Variants in RBFOX1 observed in about 807,000 individuals in gnomAD.
RBFOX1 encodes RNA binding fox-1 homolog 1.
A neutral mutation model predicts 57.7 loss-of-function variants in RBFOX1; 8 were observed. The ratio of observed to expected loss-of-function variants is 0.14; its 90% CI spans 0.08 to 0.25. RBFOX1 has a LOEUF of 0.25. Among genes scored for constraint, RBFOX1 ranks in the 10% least tolerant of loss-of-function variants. The pLI is 1.00. For synonymous variants in RBFOX1, 326 were observed against 222.4 expected (o/e 1.47, Z -4.15); for missense variants, 611 against 548.5 (o/e 1.11, Z -1.14).
intron 1 of RBFOX1, among the ~76,000 whole-genome samples, chr16:5,272,569 C>G (rs1345400950): frequency 6.6e-6 from 1 of 152,190 alleles, no homozygotes; most frequent in Non-Finnish European, 1.5e-5. Flanking sequence ...GCTGCCTCTA[C>G]CGATACCCCA....
Position 7,030,986 on chromosome 16 carries a change from G to A in RBFOX1, c.-15-21071G>A, listed in dbSNP as rs556466880. Among the ~76,000 whole-genome samples the A allele has an allele frequency of 2.6e-5, 4 of 152,338 alleles. No individual in the cohort carries two copies. The East Asian group carries it at 7.7e-4, about 29-fold the overall frequency. ...GAAAGGACATGGGGTGTGTGGAGCA[G>A]AATGATCCTGCAGAAAGAGGACCTT... On this transcript the variant is annotated intron_variant, in intron 3 of 15. Coordinates refer to ENST00000550418, the MANE Select transcript of RBFOX1 (RefSeq NM_018723.4).
At chr16:6,457,271 C>G (rs890930054) in intron 2 of RBFOX1, among the ~76,000 whole-genome samples, 1 of 152,060 alleles carries the variant, frequency 6.6e-6, no homozygotes, top group Non-Finnish European at 1.5e-5. Flanking sequence ...AAAAGGAAAA[C>G]TACGTATTAC....
intron 1 of RBFOX1, among the ~76,000 whole-genome samples, chr16:5,344,164 G>C (rs1263093166): frequency 6.6e-6 from 1 of 152,182 alleles, no homozygotes; most frequent in Non-Finnish European, 1.5e-5. Context: ...GTATTTCTGT[G>C]GAAGTTTTTT....
chr16:6,710,272 A>C (rs550488763), intron 3 of RBFOX1, among the ~76,000 whole-genome samples: 1 of 152,314 alleles, frequency 6.6e-6, no homozygotes, highest in Non-Finnish European at 1.5e-5. Flanking sequence ...CATTGTCTAG[A>C]AGAACATGAT....
chr16:7,519,527 T>C (rs542415029), intron 5 of RBFOX1: 10 of 199,916 alleles, frequency 5.0e-5, no homozygotes, highest in Non-Finnish European at 8.0e-5. Context: ...GTTTTGATCA[T>C]TAATCAAATA....
chr16:6,709,162 A>G (rs1192323634), intron 3 of RBFOX1, among the ~76,000 whole-genome samples: 1 of 152,148 alleles, frequency 6.6e-6, no homozygotes, highest in Non-Finnish European at 1.5e-5. Flanking sequence ...AAGCTGGTAA[A>G]TTGGTTCAAC....
At chr16:5,844,439 T>C (rs1364866807) in intron 3 of RBFOX1, among the ~76,000 whole-genome samples, 1 of 152,206 alleles carries the variant, frequency 6.6e-6, no homozygotes, top group African/African-American at 2.4e-5. Flanking sequence ...TATTGATAAA[T>C]GTGTTTGGCC....
At chr16:6,196,798 C>CT (rs36091163) in intron 1 of RBFOX1, among the ~76,000 whole-genome samples, 4,067 of 145,686 alleles carry the variant, frequency 0.028, 82 homozygotes, top group African/African-American at 0.065. Flanking sequence ...TCTGGTTCAT[C>CT]TTTTTTTTTT....
At chr16:6,005,025 G>A (rs1377949386) in intron 4 of RBFOX1, among the ~76,000 whole-genome samples, 2 of 152,072 alleles carry the variant, frequency 1.3e-5, no homozygotes, top group South Asian at 2.1e-4. Flanking sequence ...AAAACTTGGG[G>A]GAACTTTAAG....
chr16:6,223,224 G>C (rs2097389487), intron 1 of RBFOX1, among the ~76,000 whole-genome samples: 3 of 151,328 alleles, frequency 2.0e-5, no homozygotes, highest in African/African-American at 7.3e-5. Context: ...CCAGTAATGG[G>C]ATGGCTGGGT....
chr16:7,269,541 A>G (rs1567971414), intron 4 of RBFOX1, among the ~76,000 whole-genome samples: 1 of 152,154 alleles, frequency 6.6e-6, no homozygotes, highest in African/African-American at 2.4e-5. Flanking sequence ...TTTATCGTAT[A>G]ATTTTTTACT....
chr16:6,799,423 C>A (rs11641182), intron 3 of RBFOX1, among the ~76,000 whole-genome samples: 2 of 152,010 alleles, frequency 1.3e-5, no homozygotes, highest in Non-Finnish European at 2.9e-5. Context: ...GTGAGTTATT[C>A]GCAAACTTTC....
chr16:5,253,870 T>A (rs990972065), intron 1 of RBFOX1, among the ~76,000 whole-genome samples: 3 of 152,212 alleles, frequency 2.0e-5, no homozygotes, highest in African/African-American at 7.2e-5. Context: ...CTTCACCTGG[T>A]CATGGTCTCA....
intron 1 of RBFOX1, among the ~76,000 whole-genome samples, chr16:5,328,562 G>C (rs1437960447): frequency 6.6e-6 from 1 of 152,204 alleles, no homozygotes; most frequent in Admixed American, 6.5e-5. Context: ...CAGAGGCAGA[G>C]CTTCTTCTGG....
At chr16:6,716,686 A>T (rs1368586878) in intron 3 of RBFOX1, among the ~76,000 whole-genome samples, 2 of 152,056 alleles carry the variant, frequency 1.3e-5, no homozygotes, top group African/African-American at 4.8e-5. Context: ...AGCATTTTCC[A>T]TTCCTCTGGC....
intron 5 of RBFOX1, among the ~76,000 whole-genome samples, chr16:7,544,896 C>T (rs1205421798): frequency 1.3e-5 from 2 of 152,154 alleles, no homozygotes; most frequent in Non-Finnish European, 2.9e-5. Context: ...CAGCACCATA[C>T]TGCATTTTGT....
chr16:7,372,348 G>C (rs1024009671), intron 4 of RBFOX1, among the ~76,000 whole-genome samples: 1 of 152,176 alleles, frequency 6.6e-6, no homozygotes, highest in Non-Finnish European at 1.5e-5. Context: ...CTTAGGATCA[G>C]ACAACTGCCT....
chr16:6,355,691 A>G (rs2087176621), intron 2 of RBFOX1, among the ~76,000 whole-genome samples: 1 of 152,208 alleles, frequency 6.6e-6, no homozygotes, highest in African/African-American at 2.4e-5. Context: ...CTAGTTCTAG[A>G]TACTTGAGGA....
chr16:7,449,388 A>T (rs946994628), intron 4 of RBFOX1, among the ~76,000 whole-genome samples: 4 of 152,112 alleles, frequency 2.6e-5, no homozygotes, highest in African/African-American at 9.7e-5. Flanking sequence ...ATGGCAGTGA[A>T]AATAGATGGA....
Sources: gnomAD v4.1 joint callset for allele counts (sites outside exome capture counted in the v4.1 genomes callset) on GRCh38, gnomAD v4.1.1 for gene constraint, MANE v1.5 for transcripts, NCBI Gene and HGNC (gene_info 2026-07-23, HGNC 2026-07-21) for gene names.